Variants in SAMD3 observed in about 807,000 individuals in gnomAD.
The protein encoded by SAMD3 is sterile alpha motif domain-containing protein 3.
In SAMD3, 63 loss-of-function variants were observed where a neutral mutation model predicts 58.5. The observed-to-expected ratio is 1.08, with a 90% CI of 0.88 to 1.33. The LOEUF (loss-of-function observed/expected upper bound fraction) is 1.33. SAMD3 is among the 40% of genes most tolerant of loss of function. SAMD3 has a pLI of 0.00. For missense variants in SAMD3, 604 were observed against 608.4 expected (o/e 0.99, Z 0.08); for synonymous variants, 220 against 210.3 (o/e 1.05, Z -0.40).
chr6:130,320,371 A>G (rs551225814), intron 1 of SAMD3, among the ~76,000 whole-genome samples: 1 of 152,346 alleles, frequency 6.6e-6, no homozygotes, highest in South Asian at 2.1e-4. Flanking sequence ...TGCACGTATT[A>G]GAATGGCTAA....
chr6:130,177,225 G>C (rs1219310861), intron 7 of SAMD3, among the ~76,000 whole-genome samples: 1 of 152,132 alleles, frequency 6.6e-6, no homozygotes, highest in Non-Finnish European at 1.5e-5. Flanking sequence ...GCTTGCTACT[G>C]TTCGGGAGAT....
intron 9 of SAMD3, among the ~76,000 whole-genome samples, chr6:130,147,475 G>T (rs1014121173): frequency 3.9e-5 from 6 of 152,214 alleles, no homozygotes; most frequent in African/African-American, 1.4e-4. Flanking sequence ...CATAGCCTAA[G>T]AATTTCTTTT....
chr6:130,314,220 C>T (rs963862420), intron 1 of SAMD3, among the ~76,000 whole-genome samples: 100 of 152,124 alleles, frequency 6.6e-4, no homozygotes, highest in Non-Finnish European at 1.2e-3. Context: ...TTTCATGTTT[C>T]TTTTGTTCTG....
chr6:130,232,099 A>T (rs1472603310), intron 2 of SAMD3, among the ~76,000 whole-genome samples: 1 of 152,118 alleles, frequency 6.6e-6, no homozygotes, highest in African/African-American at 2.4e-5. Context: ...ATCGATAGTG[A>T]CCCAGGAACT....
At chr6:130,152,107 G>A (rs190998268) in intron 9 of SAMD3, among the ~76,000 whole-genome samples, 13 of 152,192 alleles carry the variant, frequency 8.5e-5, no homozygotes, top group African/African-American at 3.1e-4. Context: ...CAGGACCACC[G>A]CCCACCCCGG....
intron 1 of SAMD3, among the ~76,000 whole-genome samples, chr6:130,313,937 C>T (rs1181994688): frequency 6.6e-6 from 1 of 152,178 alleles, no homozygotes; most frequent in East Asian, 1.9e-4. Flanking sequence ...GTTGACATCT[C>T]TCATCTGCTG....
At chr6:130,246,784 G>A (rs1453942279) in intron 2 of SAMD3, among the ~76,000 whole-genome samples, 1 of 152,150 alleles carries the variant, frequency 6.6e-6, no homozygotes, top group Non-Finnish European at 1.5e-5. Context: ...AGCTACTTGG[G>A]TGGCTAAGGC....
rs1562478023 is a variant in SAMD3, at chr6:130,244,749, AAAAAT to A, written c.-187-21941_-187-21937del. On this transcript the variant is annotated intron_variant, in intron 2 of 13. Coordinates refer to the SAMD3 transcript ENST00000368134. ...GACGAGCCTGTCTCAAAAAAAAAATAAAAATAAAAATAAAAATAAAAATAAAAATA... is the reference window on the plus strand; with the variant it reads ...GACGAGCCTGTCTCAAAAAAAAAATAAAAAATAAAAATAAAAATAAAAATA... 4.1e-3 allele frequency among the ~76,000 whole-genome samples: 194 copies of A among 47,614 alleles called. No homozygotes were observed. The African/African-American group carries it at 0.062, about 15-fold the overall frequency. The allele number at this position is 47,614 out of a possible 152,430, so 31.2% of individuals were successfully genotyped here. A position where few individuals can be genotyped will look rare whatever the true frequency, so the allele number is the denominator to read the frequency against.
chr6:130,360,211 A>G (rs1057258472), intron 1 of SAMD3, among the ~76,000 whole-genome samples: 1 of 152,246 alleles, frequency 6.6e-6, no homozygotes, highest in Non-Finnish European at 1.5e-5. Flanking sequence ...TATTGTTTAC[A>G]GAACAGATTA....
chr6:130,230,380 CCTT>C (rs367980386), intron 2 of SAMD3, among the ~76,000 whole-genome samples: 333 of 152,066 alleles, frequency 2.2e-3, no homozygotes, highest in East Asian at 0.015. Flanking sequence ...GTTCGCCTCT[CCTT>C]CTTCTTCTTT....
chr6:130,300,758 A>C (rs4469322), intron 2 of SAMD3, among the ~76,000 whole-genome samples: 25,662 of 152,184 alleles, frequency 0.17, 2,426 homozygotes, highest in East Asian at 0.36. Flanking sequence ...ACTCCTAGAC[A>C]TGATAAATGA....
At chr6:130,354,007 G>A (rs945980612) in intron 1 of SAMD3, among the ~76,000 whole-genome samples, 30 of 152,114 alleles carry the variant, frequency 2.0e-4, no homozygotes, top group Admixed American at 2.0e-3. Flanking sequence ...TAAAAAGTGG[G>A]CAAAGGACAT....
chr6:130,312,277 A>G (rs972349250), intron 2 of SAMD3, among the ~76,000 whole-genome samples: 7 of 152,258 alleles, frequency 4.6e-5, no homozygotes, highest in Non-Finnish European at 7.3e-5. Context: ...AAGCCAGGAA[A>G]CTGCCAAGGC....
intron 5 of SAMD3, among the ~76,000 whole-genome samples, chr6:130,207,067 G>A (rs374655468): frequency 2.0e-5 from 3 of 151,370 alleles, no homozygotes; most frequent in Non-Finnish European, 2.9e-5. Flanking sequence ...GAGGATTTCC[G>A]GAGCCTGGAA....
intron 1 of SAMD3, among the ~76,000 whole-genome samples, chr6:130,332,237 G>A (rs1776955754): frequency 6.6e-6 from 1 of 152,170 alleles, no homozygotes; most frequent in South Asian, 2.1e-4. Context: ...GAGTAATTGA[G>A]GCTGTAGAAG....
At chr6:130,363,491 C>G (rs1009554564) in intron 1 of SAMD3, among the ~76,000 whole-genome samples, 1 of 151,982 alleles carries the variant, frequency 6.6e-6, no homozygotes, top group African/African-American at 2.4e-5. Flanking sequence ...AGAGGAAGAG[C>G]CTTTTTTTGA....
intron 2 of SAMD3, among the ~76,000 whole-genome samples, chr6:130,291,866 A>T (rs1169928556): frequency 2.0e-5 from 3 of 152,222 alleles, no homozygotes; most frequent in Non-Finnish European, 4.4e-5. Context: ...TTAGAGTCAC[A>T]GTATGTGGGC....
chr6:130,340,353 G>C lies in SAMD3; in HGVS notation c.-304+24767C>G, dbSNP rs549027342. ...GCCTCTTCAGTCTTCAAAGCCACTA[G>C]TATAGCATCTTCGAATTTTTCTCTG... On this transcript the variant is annotated intron_variant, in intron 1 of 13. Transcript: ENST00000368134. Among the ~76,000 whole-genome samples the C allele has an allele frequency of 1.2e-4, 18 of 152,258 alleles. No homozygotes were observed. The South Asian group carries it at 3.5e-3, about 30-fold the overall frequency.
intron 1 of SAMD3, among the ~76,000 whole-genome samples, chr6:130,331,794 A>AATAAATATATAT: frequency 6.6e-6 from 1 of 152,372 alleles, no homozygotes; most frequent in Non-Finnish European, 1.5e-5. Context: ...AATGGTAAAA[A>AATAAATATATAT]ATAAATATAT....
Sources: allele counts gnomAD v4.1 joint callset (sites outside exome capture counted in the v4.1 genomes callset), GRCh38; gene constraint gnomAD v4.1.1; transcripts MANE v1.5; gene names NCBI Gene and HGNC (gene_info 2026-07-23, HGNC 2026-07-21).